The following NCS1 variants were observed in gnomAD, a reference collection of about 807,000 sequenced individuals.
The protein encoded by NCS1 is neuronal calcium sensor 1.
In NCS1, 6 loss-of-function variants were observed where a neutral mutation model predicts 28.4. That is an observed-to-expected ratio of 0.21 (90% CI 0.12 to 0.42). The LOEUF (loss-of-function observed/expected upper bound fraction) is 0.42, where lower values mean the gene tolerates loss of function less well. Ranked by LOEUF, NCS1 falls within the 10% of genes least tolerant of loss-of-function variation. The pLI, the probability that NCS1 is intolerant of heterozygous loss-of-function variation, is 1.00. For synonymous variants in NCS1, 86 were observed against 99.3 expected, an observed-to-expected ratio of 0.87 and a Z score of 0.79; for missense variants, 131 against 241.4, an observed-to-expected ratio of 0.54 and a Z score of 3.03.
chr9:130,217,118 T>C (rs1462873508), intron 2 of NCS1, among the ~76,000 whole-genome samples: 3 of 152,198 alleles, frequency 2.0e-5, no homozygotes, highest in Non-Finnish European at 2.9e-5. Context: ...AAACTGAGGC[T>C]CAGACAGGTG....
intron 4 of NCS1, among the ~76,000 whole-genome samples, chr9:130,221,413 T>TATATAGAGAGAGAG (rs1833297741): frequency 1.7e-5 from 1 of 57,752 alleles, no homozygotes; most frequent in African/African-American, 7.9e-5. Context: ...TATATATATA[T>TATATAGAGAGAGAG]AGAGAGAGAG....
intron 2 of NCS1, among the ~76,000 whole-genome samples, chr9:130,210,170 G>A (rs1327037266): frequency 1.3e-5 from 2 of 152,046 alleles, no homozygotes; most frequent in African/African-American, 4.8e-5. Flanking sequence ...GGAGGTTGAG[G>A]CGGCCAGATC....
At chr9:130,190,539 T>G (rs1554906151) in intron 1 of NCS1, among the ~76,000 whole-genome samples, 1 of 152,216 alleles carries the variant, frequency 6.6e-6, no homozygotes, top group Non-Finnish European at 1.5e-5. Context: ...TCAGTGCGAC[T>G]TGATCTGGGT....
intron 1 of NCS1, among the ~76,000 whole-genome samples, chr9:130,178,104 C>T (rs1832600911): frequency 6.6e-6 from 1 of 152,178 alleles, no homozygotes; most frequent in African/African-American, 2.4e-5. Flanking sequence ...CTCAAGTGAT[C>T]TCCTCCCATC....
At chr9:130,224,333 A>C (rs1225680640) in intron 6 of NCS1, among the ~76,000 whole-genome samples, 2 of 147,490 alleles carry the variant, frequency 1.4e-5, no homozygotes, top group Non-Finnish European at 3.0e-5. Flanking sequence ...CAGCAGTTGC[A>C]GTGAGTGGAG....
chr9:130,231,351 CAAAAA>C (rs367655474), intron 7 of NCS1, among the ~76,000 whole-genome samples: 1 of 144,664 alleles, frequency 6.9e-6, no homozygotes, highest in Non-Finnish European at 1.5e-5. Flanking sequence ...GATTTTATCT[CAAAAA>C]AAAAAAACTT....
At chr9:130,220,525 G>A (rs797027940) in intron 4 of NCS1, among the ~76,000 whole-genome samples, 11 of 152,246 alleles carry the variant, frequency 7.2e-5, no homozygotes, top group African/African-American at 2.6e-4. Context: ...GGCGTTAAGG[G>A]CTCCAGCCAG....
intron 1 of NCS1, among the ~76,000 whole-genome samples, chr9:130,184,114 T>G (rs897590578): frequency 3.3e-5 from 5 of 152,188 alleles, no homozygotes; most frequent in Admixed American, 6.5e-5. Flanking sequence ...CCGGCGTCTT[T>G]TCTTTTCTTT....
chr9:130,227,758 C>G (rs1159449934), intron 7 of NCS1, among the ~76,000 whole-genome samples: 4 of 152,220 alleles, frequency 2.6e-5, no homozygotes, highest in Non-Finnish European at 4.4e-5. Flanking sequence ...CCACAAACAG[C>G]AGCTTAAGAA....
chr9:130,184,834 A>G (rs919538614), intron 1 of NCS1, among the ~76,000 whole-genome samples: 3 of 149,566 alleles, frequency 2.0e-5, no homozygotes, highest in Non-Finnish European at 4.4e-5. Context: ...GGTTTTCGCC[A>G]TGTTGGCCAG....
At position 130,172,460 on chromosome 9, in the gene NCS1, G is replaced by T. The variant is rs1305087103; in HGVS notation, c.-204G>T. 1.4e-5 allele frequency: 2 copies of T among 144,724 alleles called. No homozygotes were observed. Among genetic ancestry groups the T allele is most frequent in the Non-Finnish European group, 3.1e-5 (2 of 65,318 alleles). The allele number at this position is 144,724 out of a possible 1,614,324, so 9.0% of individuals were successfully genotyped here. A position where few individuals can be genotyped will look rare whatever the true frequency, so the allele number is the denominator to read the frequency against. ...CCGGCGCCGGCGCCCAGCCCAGGCA[G>T]CCCCGCGCCGCGGCGCCCGGACCGC... is the stretch of plus-strand genomic sequence containing the variant. On this transcript the variant is annotated 5_prime_UTR_variant, in exon 1 of 8. Transcript: ENST00000372398.
At chr9:130,176,614 T>C (rs1248561208) in intron 1 of NCS1, among the ~76,000 whole-genome samples, 13 of 152,236 alleles carry the variant, frequency 8.5e-5, no homozygotes, top group African/African-American at 3.1e-4. Flanking sequence ...TCTTTGTGCC[T>C]GGCACACAGA....
At chr9:130,185,864 T>C (rs3850587) in intron 1 of NCS1, among the ~76,000 whole-genome samples, 147,810 of 152,394 alleles carry the variant, frequency 0.97, 71,709 homozygotes, top group East Asian at 1. Context: ...CTTCAGGCTT[T>C]CCGTGATGAG....
At position 130,174,790 on chromosome 9, in the gene NCS1, C is replaced by CAAAAAAAA. The variant is rs34473694; in HGVS notation, c.64+2073_64+2080dup. Among the ~76,000 whole-genome samples the CAAAAAAAA allele has an allele frequency of 8.5e-4, 78 of 91,490 alleles. 4 individuals carry two copies. Among genetic ancestry groups the CAAAAAAAA allele is most frequent in the Non-Finnish European group, 1.1e-3 (56 of 52,002 alleles). The allele number at this position is 91,490 out of a possible 152,430, so 60.0% of individuals were successfully genotyped here. A position where few individuals can be genotyped will look rare whatever the true frequency, so the allele number is the denominator to read the frequency against. On this transcript the variant is annotated intron_variant, in intron 1 of 7. Coordinates refer to ENST00000372398, the MANE Select transcript of NCS1 (RefSeq NM_014286.4). ...TGCTCCAAGAGGGAAACTCTGTCTC[C>CAAAAAAAA]AAAAAAAAAAAAAAAAAGCTCTGCT... is the stretch of plus-strand genomic sequence containing the variant.
intron 4 of NCS1, among the ~76,000 whole-genome samples, chr9:130,221,405 T>TAGAG (rs1191515274): frequency 6.9e-4 from 29 of 41,786 alleles, no homozygotes; most frequent in African/African-American, 2.8e-3. Context: ...TATATATATA[T>TAGAG]ATATATATAG....
At chr9:130,222,455 A>AT (rs1244947927) in intron 4 of NCS1, among the ~76,000 whole-genome samples, 195 bp from the exon 5 acceptor site, 3 of 151,478 alleles carry the variant, frequency 2.0e-5, no homozygotes, top group Non-Finnish European at 2.9e-5. Flanking sequence ...GCCCAGCCTT[A>AT]TTTTTTTTAA....
At chr9:130,228,898 G>A (rs1243092139) in intron 7 of NCS1, among the ~76,000 whole-genome samples, 1 of 151,852 alleles carries the variant, frequency 6.6e-6, no homozygotes, top group Non-Finnish European at 1.5e-5. Flanking sequence ...TCGAACTCCT[G>A]ACCTCAGGTG....
At chr9:130,183,594 T>TC (rs1286020140) in intron 1 of NCS1, among the ~76,000 whole-genome samples, 1 of 152,048 alleles carries the variant, frequency 6.6e-6, no homozygotes, top group East Asian at 1.9e-4. Context: ...CCACCTCGGC[T>TC]CCCCCACAGC....
At chr9:130,205,068 C>T (rs1438600839) in intron 2 of NCS1, among the ~76,000 whole-genome samples, 1 of 151,778 alleles carries the variant, frequency 6.6e-6, no homozygotes, top group Non-Finnish European at 1.5e-5. Flanking sequence ...TGTGGGGAAA[C>T]GAAGATGAGA....
Sources: gnomAD v4.1 joint callset for allele counts (sites outside exome capture counted in the v4.1 genomes callset) on GRCh38, gnomAD v4.1.1 for gene constraint, MANE v1.5 for transcripts, NCBI Gene and HGNC (gene_info 2026-07-23, HGNC 2026-07-21) for gene names.